The following RORA variants were observed in gnomAD, a reference collection of about 807,000 sequenced individuals.
The protein encoded by RORA is RAR related orphan receptor A, also known as nuclear receptor ROR-alpha.
RORA carries 7 observed loss-of-function variants against 69.5 expected under a neutral mutation model. The ratio of observed to expected loss-of-function variants is 0.10; its 90% confidence interval spans 0.06 to 0.19. The LOEUF (loss-of-function observed/expected upper bound fraction) is 0.19, where lower values mean the gene tolerates loss of function less well. Ranked by LOEUF, RORA falls within the 10% of genes least tolerant of loss-of-function variation. The pLI is 1.00. For synonymous variants in RORA, 261 were observed against 240.8 expected (o/e 1.08, Z -0.78); for missense variants, 457 against 663.0 (o/e 0.69, Z 3.41).
intron 5 of RORA, among the ~76,000 whole-genome samples, chr15:60,508,459 T>C (rs1021105566): frequency 6.6e-6 from 1 of 152,248 alleles, no homozygotes; most frequent in Non-Finnish European, 1.5e-5. Context: ...TTAACACATA[T>C]AGCATTCACT....
intron 1 of RORA, among the ~76,000 whole-genome samples, chr15:61,014,859 C>T (rs1445321162): frequency 1.3e-5 from 2 of 152,180 alleles, no homozygotes; most frequent in African/African-American, 4.8e-5. Context: ...TGCGACTTTC[C>T]TCCCTGGCAA....
At chr15:61,017,480 C>G (rs139970926) in intron 1 of RORA, among the ~76,000 whole-genome samples, 1 of 152,080 alleles carries the variant, frequency 6.6e-6, no homozygotes, top group African/African-American at 2.4e-5. Flanking sequence ...CTCAAGAACA[C>G]AAATTGAGTC....
chr15:61,040,113 G>GAGATATATATATATATAT (rs1491216025), intron 1 of RORA, among the ~76,000 whole-genome samples: 1 of 46,302 alleles, frequency 2.2e-5, no homozygotes, highest in Non-Finnish European at 4.1e-5. Flanking sequence ...CACAAGCTTT[G>GAGATATATATATATATAT]ATATATATAT....
At chr15:60,666,702 C>A (rs549227908) in intron 2 of RORA, among the ~76,000 whole-genome samples, 1 of 152,182 alleles carries the variant, frequency 6.6e-6, no homozygotes, top group East Asian at 1.9e-4. Flanking sequence ...CATTCCAGGA[C>A]AAACAAGATA....
chr15:60,911,069 ATTTTTTTT>A (rs528370848), intron 1 of RORA, among the ~76,000 whole-genome samples: 82 of 89,656 alleles, frequency 9.1e-4, no homozygotes, highest in African/African-American at 3.2e-3. Flanking sequence ...TGCCCAGCTA[ATTTTTTTT>A]TTTTTTTTTT....
chr15:60,918,665 T>C (rs1247188859), intron 1 of RORA, among the ~76,000 whole-genome samples: 1 of 152,170 alleles, frequency 6.6e-6, no homozygotes, highest in Non-Finnish European at 1.5e-5. Context: ...GCAGGAACCT[T>C]GGAGATATCA....
intron 1 of RORA, among the ~76,000 whole-genome samples, chr15:60,966,937 A>G (rs1893569245): frequency 6.6e-6 from 1 of 152,180 alleles, no homozygotes; most frequent in East Asian, 1.9e-4. Context: ...AGGGCCATGA[A>G]TCGGTGTCAT....
At chr15:61,186,240 G>A (rs571380357) in intron 1 of RORA, among the ~76,000 whole-genome samples, 129 of 152,258 alleles carry the variant, frequency 8.5e-4, no homozygotes, top group African/African-American at 2.9e-3. Flanking sequence ...AAGACATGCT[G>A]GTTAAGTGAC....
intron 1 of RORA, among the ~76,000 whole-genome samples, chr15:60,933,226 T>G (rs1053683607): frequency 6.6e-6 from 1 of 152,204 alleles, no homozygotes; most frequent in Admixed American, 6.5e-5. Flanking sequence ...GCCTATGGAA[T>G]CATGTCCAGA....
intron 1 of RORA, among the ~76,000 whole-genome samples, chr15:60,796,590 C>A (rs573209615): frequency 6.6e-6 from 1 of 151,876 alleles, no homozygotes; most frequent in South Asian, 2.1e-4. Context: ...TGGAATATAA[C>A]GTTGTCACTA....
At chr15:60,744,921 C>T (rs1363009788) in intron 1 of RORA, among the ~76,000 whole-genome samples, 4 of 152,186 alleles carry the variant, frequency 2.6e-5, no homozygotes, top group Non-Finnish European at 5.9e-5. Context: ...GGGGCCTCCA[C>T]CACTGATTAA....
rs1008090507 is a variant in RORA at position 61,180,140 on chromosome 15, T to C, written c.166+48913A>G. On this transcript the variant is annotated intron_variant, in intron 1 of 10. Transcript: ENST00000335670. ...GCCTGGGCAACAGAGCAAGACTCCA[T>C]CTCAAAAAAAAAAAAAAAAAAAAAA... 5.8e-5 allele frequency among the ~76,000 whole-genome samples: 5 copies of C among 86,496 alleles called. No individual in the cohort carries two copies. In the Admixed American group the frequency reaches 7.1e-4, roughly 12 times the overall value. The allele number at this position is 86,496 out of a possible 152,430, so 56.7% of individuals were successfully genotyped here.
At chr15:60,856,697 A>G (rs1259458187) in intron 1 of RORA, among the ~76,000 whole-genome samples, 3 of 152,210 alleles carry the variant, frequency 2.0e-5, no homozygotes, top group Admixed American at 6.5e-5. Flanking sequence ...TGCATGTTTA[A>G]TTCAAATAGA....
At chr15:61,181,047 T>G (rs2079680305) in intron 1 of RORA, among the ~76,000 whole-genome samples, 1 of 136,766 alleles carries the variant, frequency 7.3e-6, no homozygotes, top group Non-Finnish European at 1.5e-5. Flanking sequence ...GAGCTTGCAG[T>G]AAGCCGAGAT....
chr15:60,690,104 G>T (rs974416519), intron 1 of RORA, among the ~76,000 whole-genome samples: 2 of 152,156 alleles, frequency 1.3e-5, no homozygotes, highest in African/African-American at 4.8e-5. Flanking sequence ...TGAGTGTAAG[G>T]TGTCTGGCAA....
chr15:60,511,791 C>T lies in RORA; in HGVS notation c.425-170G>A, dbSNP rs527758697. ...AAAACAGTTCCAACCCACACAGACTCGCTCCAGCTCCCCAACAGCAAACAC... is the reference window on the plus strand; with the variant it reads ...AAAACAGTTCCAACCCACACAGACTTGCTCCAGCTCCCCAACAGCAAACAC... On this transcript the variant is annotated intron_variant, in intron 4 of 10. Transcript: ENST00000335670. The surrounding 1 kb of genome is among the most constrained non-coding windows in gnomAD (Gnocchi z 6.4). Among the ~76,000 whole-genome samples the T allele has an allele frequency of 1.8e-4, 28 of 152,268 alleles. No individual in the cohort carries two copies. The highest frequency in any genetic ancestry group is 3.3e-4 in the Admixed American group (5 of 15,296).
Position 60,678,404 on chromosome 15 carries a change from T to G in RORA, c.196+253A>C. ...ATCCTCCTGGCTAGATTTCATGATT[T>G]TTCTAAAGCTTCATGGCTGGAAACA... On this transcript the variant is annotated intron_variant, in intron 2 of 10. Coordinates refer to ENST00000335670, the MANE Select transcript of RORA (RefSeq NM_134261.3). The G allele has an allele frequency of 7.5e-6, 3 of 397,472 alleles. No individual in the cohort carries two copies. In the South Asian group the frequency reaches 1.3e-4, roughly 17 times the overall value. The allele number at this position is 397,472 out of a possible 1,614,324, so 24.6% of individuals were successfully genotyped here.
At chr15:60,597,615 T>TACAC (rs2068721836) in intron 2 of RORA, among the ~76,000 whole-genome samples, 4 of 47,618 alleles carry the variant, frequency 8.4e-5, no homozygotes, top group African/African-American at 4.1e-4. Flanking sequence ...TATATATATA[T>TACAC]ATACATACAT....
intron 2 of RORA, among the ~76,000 whole-genome samples, chr15:60,661,445 C>T (rs1376193298): frequency 1.3e-5 from 2 of 152,190 alleles, no homozygotes; most frequent in South Asian, 4.1e-4. Flanking sequence ...GCAGACTGAT[C>T]AAGCTGCCAT....
Sources: gnomAD v4.1 joint callset for allele counts (sites outside exome capture counted in the v4.1 genomes callset) on GRCh38, gnomAD v4.1.1 for gene constraint, Gnocchi (gnomAD v3.1) non-coding constraint, MANE v1.5 for transcripts, NCBI Gene and HGNC (gene_info 2026-07-23, HGNC 2026-07-21) for gene names.